ZZEF1: variants seen among roughly 807,000 people sequenced by gnomAD.
ZZEF1 encodes zinc finger ZZ-type and EF-hand domain containing 1.
Under a neutral mutation model 342.8 loss-of-function variants are expected in ZZEF1, and 157 were observed. The observed-to-expected ratio is 0.46, with a 90% CI of 0.40 to 0.52. ZZEF1 has a LOEUF of 0.52. Among genes scored for constraint, ZZEF1 ranks in the 20% least tolerant of loss-of-function variants. The pLI, the probability that ZZEF1 is intolerant of heterozygous loss-of-function variation, is 0.00. For missense variants in ZZEF1, 3,480 were observed against 3,725.6 expected (o/e 0.93, Z 1.72); for synonymous variants, 1,505 against 1,429.1 (o/e 1.05, Z -1.20).
intron 2 of ZZEF1, among the ~76,000 whole-genome samples, 188 bp from the exon 3 acceptor site, chr17:4,117,354 GAATT>G (rs1372682656): frequency 2.0e-5 from 3 of 152,296 alleles, no homozygotes; most frequent in Non-Finnish European, 2.9e-5. Flanking sequence ...CTGAACTTAA[GAATT>G]AATTTAGCTG....
At chr17:4,064,062 G>A in intron 29 of ZZEF1, among the ~76,000 whole-genome samples, 1 of 142,624 alleles carries the variant, frequency 7.0e-6, no homozygotes, top group East Asian at 2.0e-4. Flanking sequence ...TTTGTAGATG[G>A]AGGGGGGGGG....
chr17:4,009,754 GTCACT>G lies in ZZEF1; in HGVS notation c.8580-2_8582del. 6.2e-7 allele frequency: 1 copy of G among 1,613,956 alleles called. No homozygotes were observed. Among genetic ancestry groups the G allele is most frequent in the Non-Finnish European group, 8.5e-7 (1 of 1,179,956 alleles). ...GCTTCAACAGCGCAAGGTCACACAGGTCACTGCAGGAGGAGCCCCGGAGGTGGTCA... is the reference window on the plus strand; with the variant it reads ...GCTTCAACAGCGCAAGGTCACACAGGGCAGGAGGAGCCCCGGAGGTGGTCA... On this transcript the variant is annotated splice_acceptor_variant and coding_sequence_variant, in exon 53 of 55. Transcript: ENST00000381638. LOFTEE classifies it high-confidence loss of function.
rs772105808 is a variant in ZZEF1, at chr17:4,074,349, T to C, written c.3486A>G (p.Lys1162=). 5.3e-5 allele frequency: 86 copies of C among 1,614,020 alleles called. No individual in the cohort carries two copies. The highest frequency in any genetic ancestry group is 6.9e-5 in the Non-Finnish European group (81 of 1,180,038). ...TKVGTDKWPK[K]VTFKAGPRLQ... Reference sequence around the variant, plus strand: ...ACCGAGGACCGGCCTTGAAGGTCACTTTCTAGAGACAAACAGAAATCATGT... The same window carrying C: ...ACCGAGGACCGGCCTTGAAGGTCACCTTCTAGAGACAAACAGAAATCATGT... The change falls in exon 24 of 55, where the codon AAA becomes AAG. Residue 1162 remains lysine (K), a splice_region_variant and synonymous_variant. Coordinates refer to ENST00000381638, the MANE Select transcript of ZZEF1 (RefSeq NM_015113.4).
rs141234160 is a variant in ZZEF1 at position 4,137,737 on chromosome 17, C to T, written c.354+4805G>A. On this transcript the variant is annotated intron_variant, in intron 1 of 54. Transcript: ENST00000381638. ...GGTAGTGCAGGCAGGTGGCTGGCGG[C>T]CTCACAGCCTAGTTGCACAGCAAGG... Among the ~76,000 whole-genome samples, 1,292 of 152,338 alleles carry T rather than the reference C, an allele frequency of 8.5e-3. 12 individuals carry two copies. The highest frequency in any genetic ancestry group is 0.029 in the African/African-American group (1,206 of 41,562).
At chr17:4,087,371 G>A in intron 14 of ZZEF1, 63 bp downstream of exon 14, 1 of 1,365,310 alleles carries the variant, frequency 7.3e-7, no homozygotes, top group African/African-American at 1.5e-5. Context: ...AATCCACTTA[G>A]AATAGTAAAA....
At chr17:4,049,112 C>T (rs756401704) in intron 37 of ZZEF1, among the ~76,000 whole-genome samples, 1 of 152,154 alleles carries the variant, frequency 6.6e-6, no homozygotes, top group East Asian at 1.9e-4. Flanking sequence ...TTACTATCAA[C>T]TCTTCTAAGC....
chr17:4,088,393 A>G (rs770124336), intron 13 of ZZEF1, among the ~76,000 whole-genome samples: 6 of 152,158 alleles, frequency 3.9e-5, no homozygotes, highest in Non-Finnish European at 8.8e-5. Context: ...TTGTTTCCCC[A>G]TGGCAGCCAC....
At chr17:4,013,300 C>T in intron 52 of ZZEF1, 149 bp downstream of exon 52, 1 of 742,996 alleles carries the variant, frequency 1.3e-6, no homozygotes, top group South Asian at 2.7e-5. Context: ...ACCAAGAACG[C>T]TAGCATAAAG....
rs1264321786 is a variant in ZZEF1, at chr17:4,062,833, G to A, written c.4803C>T (p.Ser1601=). 6.2e-7 allele frequency: 1 copy of A among 1,613,624 alleles called. No individual in the cohort carries two copies. The change falls in exon 30 of 55, where the codon TCC becomes TCT. Residue 1601 remains serine, a synonymous_variant. Transcript: ENST00000381638. ...VLKITQHCAE[S]LGQPHCFHPP... ...GATGGAAGCAGTGGGGCTGCCCAAG[G>A]GATTCTGCACAGTGCTGAGTTATCT...
At chr17:4,059,133 C>T (rs2057230643) in intron 31 of ZZEF1, 38 bp downstream of exon 31, 2 of 1,294,360 alleles carry the variant, frequency 1.5e-6, no homozygotes, top group Non-Finnish European at 2.1e-6. Context: ...GAAAAAAATA[C>T]ATTTTTTTTC....
chr17:4,050,058 T>A (rs1342184565), intron 36 of ZZEF1, among the ~76,000 whole-genome samples, 199 bp from the exon 37 acceptor site: 1 of 152,202 alleles, frequency 6.6e-6, no homozygotes, highest in African/African-American at 2.4e-5. Context: ...AGAGGCTGAA[T>A]AGCAAGGGAT....
At chr17:4,065,609 C>G (rs978116348) in intron 28 of ZZEF1, among the ~76,000 whole-genome samples, 1 of 152,124 alleles carries the variant, frequency 6.6e-6, no homozygotes, top group South Asian at 2.1e-4. Flanking sequence ...GTACCTGTCA[C>G]TCAGCTTCCG....
At chr17:4,025,189 C>T in intron 42 of ZZEF1, 71 bp from the exon 43 acceptor site, 1 of 1,437,016 alleles carries the variant, frequency 7.0e-7, no homozygotes, top group Admixed American at 1.8e-5. Flanking sequence ...GCTATTTCTT[C>T]TATAGTAACA....
chr17:4,135,914 G>C (rs1403068847), intron 1 of ZZEF1, among the ~76,000 whole-genome samples: 1 of 151,154 alleles, frequency 6.6e-6, no homozygotes, highest in Non-Finnish European at 1.5e-5. Context: ...TCATGACCTA[G>C]CATACACATA....
chr17:4,123,753 A>G (rs7225521), intron 2 of ZZEF1, among the ~76,000 whole-genome samples, 154 bp downstream of exon 2: 79,158 of 151,916 alleles, frequency 0.52, 20,971 homozygotes, highest in Middle Eastern at 0.59. Context: ...TGGGGATGAA[A>G]GAGATGACTA....
In ZZEF1 at chr17:4,088,795, T is replaced by C; in HGVS notation, c.2124A>G (p.Ala708=). ...TISGYLRPAR[A]EAEQSVTCAH... is the part of the protein sequence containing the mutation. ...CACAGGTGACGCTCTGTTCTGCTTC[T>C]GCTCTTGCAGGCCGGAGGTACCCAC... is the stretch of plus-strand genomic sequence containing the variant. Residue 708 remains alanine (A), a synonymous_variant, in exon 13 of 55, where the codon GCA becomes GCG. Coordinates refer to ENST00000381638, the MANE Select transcript of ZZEF1 (RefSeq NM_015113.4). The C allele has an allele frequency of 6.8e-6, 11 of 1,614,230 alleles. No homozygotes were observed. Among genetic ancestry groups the C allele is most frequent in the Non-Finnish European group, 9.3e-6 (11 of 1,180,042 alleles).
intron 1 of ZZEF1, among the ~76,000 whole-genome samples, chr17:4,141,805 G>C (rs777379182): frequency 1.3e-5 from 2 of 151,466 alleles, no homozygotes; most frequent in African/African-American, 2.4e-5. Context: ...TTCTTAACTC[G>C]AAGTGAAGCG....
Position 4,067,186 on chromosome 17 carries a change from C to A in ZZEF1, c.4132G>T (p.Ala1378Ser). Residue 1378 changes from alanine (A) to serine (S), a missense_variant, in exon 27 of 55, where the codon GCA (alanine) becomes TCA (serine). By Grantham distance (99) the Ala-to-Ser change is moderately conservative. Transcript: ENST00000381638. ...ACCATCCATATTCGAATCCCATCTG[C>A]CAAGGAATAAACCTGGGCAAACTCT... ...SEEFAQVYSLADGIRIWMLEM... is the reference protein window; with the variant it reads ...SEEFAQVYSLSDGIRIWMLEM... 1.2e-6 allele frequency: 2 copies of A among 1,612,952 alleles called. No individual in the cohort carries two copies. Among genetic ancestry groups the A allele is most frequent in the South Asian group, 1.1e-5 (1 of 90,838 alleles).
intron 1 of ZZEF1, among the ~76,000 whole-genome samples, chr17:4,131,504 C>T (rs200543914): frequency 1.3e-5 from 2 of 151,168 alleles, no homozygotes; most frequent in East Asian, 3.9e-4. Context: ...AAAGGCCAGA[C>T]GCAGTGGCTC....
Sources: gnomAD v4.1 joint callset for allele counts (sites outside exome capture counted in the v4.1 genomes callset) on GRCh38, gnomAD v4.1.1 for gene constraint, MANE v1.5 for transcripts, NCBI Gene and HGNC (gene_info 2026-07-23, HGNC 2026-07-21) for gene names.